NRXN3: variants seen among roughly 807,000 people sequenced by gnomAD.
The protein encoded by NRXN3 is neurexin 3.
In NRXN3, 32 loss-of-function variants were observed where a neutral mutation model predicts 137.6. The ratio of observed to expected loss-of-function variants is 0.23; its 90% CI spans 0.18 to 0.31. NRXN3 has a LOEUF of 0.31. NRXN3 is among the 10% of genes least tolerant of loss of function. The pLI, the probability that NRXN3 is intolerant of heterozygous loss-of-function variation, is 1.00. For missense variants in NRXN3, 1,574 were observed against 2,062.5 expected (o/e 0.76, Z 4.59); for synonymous variants, 798 against 784.5 (o/e 1.02, Z -0.29).
chr14:79,116,792 A>G (rs896628694), intron 15 of NRXN3, among the ~76,000 whole-genome samples: 3 of 152,232 alleles, frequency 2.0e-5, no homozygotes, highest in African/African-American at 7.2e-5. Context: ...TGTTGTCTTG[A>G]TAATATTTTA....
At chr14:78,792,791 G>C (rs2098809625) in intron 8 of NRXN3, among the ~76,000 whole-genome samples, 1 of 152,052 alleles carries the variant, frequency 6.6e-6, no homozygotes, top group African/African-American at 2.4e-5. Flanking sequence ...AAAATCAAGT[G>C]GGACAAGAAT....
chr14:79,362,806 A>G (rs188195633), intron 15 of NRXN3, among the ~76,000 whole-genome samples: 1 of 152,194 alleles, frequency 6.6e-6, no homozygotes, highest in African/African-American at 2.4e-5. Flanking sequence ...AGCAGGCACG[A>G]TAAGTTTACT....
intron 16 of NRXN3, among the ~76,000 whole-genome samples, chr14:79,578,977 TTAA>T (rs1351765371): frequency 6.6e-6 from 1 of 152,172 alleles, no homozygotes; most frequent in Non-Finnish European, 1.5e-5. Context: ...TAATAATTAT[TTAA>T]TAATATAGTA....
At chr14:78,184,397 A>G (rs1176667839) in intron 1 of NRXN3, among the ~76,000 whole-genome samples, 1 of 152,212 alleles carries the variant, frequency 6.6e-6, no homozygotes, top group Non-Finnish European at 1.5e-5. Context: ...GGGTGTAATG[A>G]GGCAGTTGGC....
At chr14:79,316,729 C>CCCCTCTCTCTCTCT (rs2088808048) in intron 15 of NRXN3, among the ~76,000 whole-genome samples, 2 of 137,940 alleles carry the variant, frequency 1.4e-5, no homozygotes, top group African/African-American at 5.6e-5. Context: ...CTGTCCTGTC[C>CCCCTCTCTCTCTCT]CTCTCTCTCT....
chr14:79,252,254 C>T (rs528814237), intron 15 of NRXN3, among the ~76,000 whole-genome samples: 3 of 152,212 alleles, frequency 2.0e-5, no homozygotes, highest in Non-Finnish European at 2.9e-5. Flanking sequence ...AACCAGAAAT[C>T]GAGTTTATCT....
intron 10 of NRXN3, among the ~76,000 whole-genome samples, chr14:78,920,806 AG>A (rs563514864): frequency 2.2e-4 from 33 of 152,334 alleles, no homozygotes; most frequent in African/African-American, 7.9e-4. Context: ...ACTTAGGAAC[AG>A]CCAAATTGAA....
intron 4 of NRXN3, among the ~76,000 whole-genome samples, chr14:78,330,666 T>C (rs1036064914): frequency 6.6e-6 from 1 of 152,190 alleles, no homozygotes; most frequent in Non-Finnish European, 1.5e-5. Context: ...TATGATATAC[T>C]TGGGTTTTTT....
Position 78,966,103 on chromosome 14 carries a change from C to T in NRXN3, c.2474C>T (p.Ser825Phe). Residue 825 changes from serine to phenylalanine, a missense_variant, in exon 12 of 21, where the codon TCC becomes TTC. Around this residue, in one of 5 missense-constraint regions of NRXN3, gnomAD observed 718 missense variants for 887.6 expected, o/e 0.81. Coordinates refer to ENST00000335750, the MANE Select transcript of NRXN3 (RefSeq NM_001330195.2). ...TGIMTEKRYI[S>F]VVPSSFIGHL... ...ATCATGACTGAGAAACGCTACATCT[C>T]CGTTGTCCCCTCCAGCTTTATTGGC... 1.9e-6 allele frequency: 3 copies of T among 1,614,190 alleles called. No individual in the cohort carries two copies. The highest frequency in any genetic ancestry group is 2.5e-6 in the Non-Finnish European group (3 of 1,180,028).
At chr14:78,512,187 C>T (rs1484639721) in intron 4 of NRXN3, among the ~76,000 whole-genome samples, 2 of 152,126 alleles carry the variant, frequency 1.3e-5, no homozygotes, top group African/African-American at 4.8e-5. Flanking sequence ...GAGTCAGTCA[C>T]CAGACATGTA....
intron 15 of NRXN3, among the ~76,000 whole-genome samples, chr14:79,301,121 A>G (rs978037251): frequency 5.3e-5 from 8 of 152,024 alleles, no homozygotes; most frequent in Admixed American, 5.3e-4. Flanking sequence ...ATAACGTTTA[A>G]TATGCTATAT....
chr14:78,305,512 A>T (rs1166480754), intron 4 of NRXN3, among the ~76,000 whole-genome samples: 1 of 152,148 alleles, frequency 6.6e-6, no homozygotes, highest in African/African-American at 2.4e-5. Flanking sequence ...AACTGGAAAG[A>T]TATAATCAAG....
At chr14:79,214,623 A>G (rs1201652575) in intron 15 of NRXN3, among the ~76,000 whole-genome samples, 2 of 152,168 alleles carry the variant, frequency 1.3e-5, no homozygotes, top group African/African-American at 4.8e-5. Context: ...AAATTAGAAA[A>G]CAACTTACTT....
intron 15 of NRXN3, among the ~76,000 whole-genome samples, chr14:79,013,254 C>T (rs1460062999): frequency 6.6e-6 from 1 of 152,140 alleles, no homozygotes; most frequent in African/African-American, 2.4e-5. Flanking sequence ...AATGTCTTTC[C>T]TGCATGAATA....
At chr14:79,650,795 A>T (rs983527037) in intron 16 of NRXN3, among the ~76,000 whole-genome samples, 3 of 152,182 alleles carry the variant, frequency 2.0e-5, no homozygotes, top group Non-Finnish European at 4.4e-5. Context: ...GGGGGAAAAC[A>T]TGACTACATG....
At chr14:79,084,702 G>C (rs1421883036) in intron 15 of NRXN3, among the ~76,000 whole-genome samples, 1 of 151,948 alleles carries the variant, frequency 6.6e-6, no homozygotes, top group Admixed American at 6.6e-5. Context: ...TGGTGACTTT[G>C]GTTGGTTCTT....
At chr14:79,037,365 G>T (rs1000986468) in intron 15 of NRXN3, among the ~76,000 whole-genome samples, 1 of 152,066 alleles carries the variant, frequency 6.6e-6, no homozygotes, top group African/African-American at 2.4e-5. Flanking sequence ...CATTTCCCCT[G>T]TGTTTTTTAG....
intron 1 of NRXN3, among the ~76,000 whole-genome samples, chr14:78,200,336 C>T (rs548947760): frequency 1.3e-5 from 2 of 152,280 alleles, no homozygotes; most frequent in South Asian, 4.1e-4. Context: ...AACTGTGCAT[C>T]GGTTGTGAAT....
intron 16 of NRXN3, among the ~76,000 whole-genome samples, chr14:79,526,273 G>A (rs774498499): frequency 6.6e-6 from 1 of 151,654 alleles, no homozygotes; most frequent in Non-Finnish European, 1.5e-5. Flanking sequence ...TCTCAACCTC[G>A]CAACCTCAGG....
Sources: allele counts gnomAD v4.1 joint callset (sites outside exome capture counted in the v4.1 genomes callset), GRCh38; gene constraint gnomAD v4.1.1; regional missense constraint gnomAD v4.1.1; transcripts MANE v1.5; gene names NCBI Gene and HGNC (gene_info 2026-07-23, HGNC 2026-07-21).